DLGAP1: variants seen among roughly 807,000 people sequenced by gnomAD.
DLGAP1 encodes DLG associated protein 1.
Under a neutral mutation model 90.8 loss-of-function variants are expected in DLGAP1, and 11 were observed. The ratio of observed to expected loss-of-function variants is 0.12; its 90% CI spans 0.08 to 0.20. The LOEUF (loss-of-function observed/expected upper bound fraction) is 0.20, where lower values mean the gene tolerates loss of function less well. Among genes scored for constraint, DLGAP1 ranks in the 10% least tolerant of loss-of-function variants. DLGAP1 has a pLI of 1.00. For synonymous variants in DLGAP1, 558 were observed against 540.7 expected (o/e 1.03, Z -0.44); for missense variants, 1,050 against 1,333.8 (o/e 0.79, Z 3.31).
rs1191582097 is a variant in DLGAP1, at chr18:4,084,770, A to G, written c.-159+66410T>C. On this transcript the variant is annotated intron_variant, in intron 2 of 12. Transcript: ENST00000315677. The surrounding 1 kb of genome is among the most constrained non-coding windows in gnomAD (Gnocchi z 4.0). ...CTGATAAAGACTCCCATGTCATGCA[A>G]CACTTATTAAATATATTAGCATGCT... 6.6e-6 allele frequency among the ~76,000 whole-genome samples: 1 copy of G among 152,230 alleles called. No homozygotes were observed. The highest frequency in any genetic ancestry group is 1.5e-5 in the Non-Finnish European group (1 of 68,032).
At chr18:4,198,185 C>T (rs1257008934) in intron 1 of DLGAP1, among the ~76,000 whole-genome samples, 1 of 152,142 alleles carries the variant, frequency 6.6e-6, no homozygotes. Context: ...CGTGCCACTG[C>T]ACTCCAGCCT....
chr18:4,015,247 G>C (rs78420651), intron 2 of DLGAP1, among the ~76,000 whole-genome samples: 3,316 of 152,130 alleles, frequency 0.022, 127 homozygotes, highest in African/African-American at 0.076. Context: ...CGCCCTAGAG[G>C]GTTCTGTCCA....
chr18:3,922,322 A>G (rs1026511543), intron 3 of DLGAP1, among the ~76,000 whole-genome samples: 1 of 152,182 alleles, frequency 6.6e-6, no homozygotes, highest in Non-Finnish European at 1.5e-5. Context: ...TGAAAAGGAG[A>G]GGTGCCCGGC....
intron 7 of DLGAP1, among the ~76,000 whole-genome samples, chr18:3,712,186 A>C (rs2061616263): frequency 1.3e-5 from 2 of 152,194 alleles, no homozygotes; most frequent in Non-Finnish European, 2.9e-5. Flanking sequence ...CTCCTTGAGA[A>C]ATGCAGCCCC....
At chr18:4,008,973 G>A (rs1363192828) in intron 2 of DLGAP1, among the ~76,000 whole-genome samples, 1 of 151,966 alleles carries the variant, frequency 6.6e-6, no homozygotes, top group African/African-American at 2.4e-5. Flanking sequence ...GCGCGATCTC[G>A]GCTCACTGCA....
intron 1 of DLGAP1, among the ~76,000 whole-genome samples, chr18:4,179,920 C>G (rs2144650978): frequency 6.6e-6 from 1 of 152,236 alleles, no homozygotes; most frequent in Non-Finnish European, 1.5e-5. Context: ...ATGGCATGAA[C>G]TTTATCAGTT....
intron 7 of DLGAP1, among the ~76,000 whole-genome samples, chr18:3,588,780 A>AT (rs1874769181): frequency 1.4e-4 from 1 of 7,068 alleles, no homozygotes; most frequent in African/African-American, 2.5e-4. Context: ...ACTCCATCTC[A>AT]AAAAAAAAAA....
chr18:3,691,812 T>C (rs1410794105), intron 7 of DLGAP1, among the ~76,000 whole-genome samples: 2 of 151,822 alleles, frequency 1.3e-5, no homozygotes, highest in Admixed American at 1.3e-4. Flanking sequence ...ACCAGCTATT[T>C]GGGAGGCTGA....
chr18:3,995,087 G>GTAA (rs2149060600), intron 3 of DLGAP1: 1 of 151,252 alleles, frequency 6.6e-6, no homozygotes, highest in East Asian at 2.0e-4. Context: ...CAACAACAAT[G>GTAA]TAATTTTAGA....
rs1394482819 is a variant in DLGAP1 at position 3,496,717 on chromosome 18, G to A, written c.*2468C>T. ...ACATCAAAAAGAACAATGTAACAAA[G>A]GTTATGCTCATGAATGTCAGTTTCA... On this transcript the variant is annotated 3_prime_UTR_variant, in exon 13 of 13. Coordinates refer to ENST00000315677, the MANE Select transcript of DLGAP1 (RefSeq NM_004746.4). The A allele has an allele frequency of 3.3e-5, 5 of 151,176 alleles. No individual in the cohort carries two copies. The highest frequency in any genetic ancestry group is 9.7e-5 in the African/African-American group (4 of 41,246). The allele number at this position is 151,176 out of a possible 1,614,324, so 9.4% of individuals were successfully genotyped here. A position where few individuals can be genotyped will look rare whatever the true frequency, so the allele number is the denominator to read the frequency against.
intron 1 of DLGAP1, among the ~76,000 whole-genome samples, chr18:4,390,288 CCCA>C (rs2082315502): frequency 6.6e-6 from 1 of 152,014 alleles, no homozygotes; most frequent in Admixed American, 6.6e-5. Flanking sequence ...CACCCCTGTC[CCCA>C]CATGTTCACA....
intron 2 of DLGAP1, among the ~76,000 whole-genome samples, chr18:4,140,824 AT>A (rs574552693): frequency 9.5e-4 from 144 of 151,932 alleles, no homozygotes; most frequent in African/African-American, 3.3e-3. Flanking sequence ...GAATAAAAAT[AT>A]TTTTCCTTCA....
chr18:3,968,310 T>C (rs1173714782), intron 3 of DLGAP1, among the ~76,000 whole-genome samples: 1 of 152,194 alleles, frequency 6.6e-6, no homozygotes, highest in Non-Finnish European at 1.5e-5. Flanking sequence ...CAATTTCACA[T>C]CATTTTTACG....
intron 3 of DLGAP1, among the ~76,000 whole-genome samples, chr18:3,981,586 G>C (rs572947443): frequency 1.3e-5 from 2 of 152,334 alleles, no homozygotes; most frequent in East Asian, 3.9e-4. Flanking sequence ...GCCCCAGAAG[G>C]CTCTATAACT....
intron 2 of DLGAP1, among the ~76,000 whole-genome samples, chr18:4,037,706 T>C (rs1314309118): frequency 2.0e-5 from 3 of 152,202 alleles, no homozygotes; most frequent in Non-Finnish European, 4.4e-5. Context: ...ATGCCTGTAA[T>C]ACTAGCACTT....
intron 7 of DLGAP1, among the ~76,000 whole-genome samples, chr18:3,691,098 G>T (rs1383124936): frequency 2.0e-5 from 3 of 152,174 alleles, no homozygotes; most frequent in South Asian, 2.1e-4. Flanking sequence ...CTCAGGCCAG[G>T]TGATTTCCGT....
rs2052814900 is a variant in DLGAP1 at position 3,543,361 on chromosome 18, T to G, written c.2058-8746A>C. ...ATTTTTTTGTATTTTTAGACGGGGTTTCACCCTGTTAGCCAGGATGGTCTC... is the reference window on the plus strand; with the variant it reads ...ATTTTTTTGTATTTTTAGACGGGGTGTCACCCTGTTAGCCAGGATGGTCTC... On this transcript the variant is annotated intron_variant, in intron 9 of 12. Transcript: ENST00000315677. Among the ~76,000 whole-genome samples, 2 of 152,024 alleles carry G rather than the reference T, an allele frequency of 1.3e-5. 1 individual carries two copies. The highest frequency in any genetic ancestry group is 4.1e-4 in the South Asian group (2 of 4,832).
chr18:4,033,660 A>AT (rs1324794653), intron 2 of DLGAP1, among the ~76,000 whole-genome samples: 12 of 150,864 alleles, frequency 8.0e-5, no homozygotes, highest in African/African-American at 2.2e-4. Context: ...AATTTAAATT[A>AT]TTTTTTTCCA....
intron 10 of DLGAP1, among the ~76,000 whole-genome samples, chr18:3,510,994 A>G (rs2050508307): frequency 6.6e-6 from 1 of 152,210 alleles, no homozygotes; most frequent in South Asian, 2.1e-4. Context: ...GCCCTGGCAA[A>G]GTATCTGGGG....
Sources: allele counts gnomAD v4.1 joint callset (sites outside exome capture counted in the v4.1 genomes callset), GRCh38; gene constraint gnomAD v4.1.1; non-coding constraint Gnocchi (gnomAD v3.1); transcripts MANE v1.5; gene names NCBI Gene and HGNC (gene_info 2026-07-23, HGNC 2026-07-21).